The following SCLT1 variants were observed in gnomAD, a reference collection of about 807,000 sequenced individuals.
The protein encoded by SCLT1 is sodium channel and clathrin linker 1.
A neutral mutation model predicts 112.8 loss-of-function variants in SCLT1; 78 were observed. The ratio of observed to expected loss-of-function variants is 0.69; its 90% CI spans 0.58 to 0.83. SCLT1 has a LOEUF of 0.83. SCLT1 is among the 40% of genes least tolerant of loss of function. SCLT1 has a pLI of 0.00. For synonymous variants in SCLT1, 257 were observed against 254.7 expected (o/e 1.01, Z -0.09); for missense variants, 747 against 770.4 (o/e 0.97, Z 0.36).
downstream of SCLT1, among the ~76,000 whole-genome samples, chr4:128,882,298 A>C (rs1013475766): frequency 6.6e-6 from 1 of 152,200 alleles, no homozygotes; most frequent in Non-Finnish European, 1.5e-5. Flanking sequence ...TAAAGAATCA[A>C]ATGAAAAATT....
At chr4:129,007,937 G>A (rs1184292338) in intron 5 of SCLT1, among the ~76,000 whole-genome samples, 3 of 152,036 alleles carry the variant, frequency 2.0e-5, no homozygotes, top group African/African-American at 7.2e-5. Flanking sequence ...CCCAGACATC[G>A]TAACATGCCT....
chr4:129,050,573 A>G (rs1040327664), intron 2 of SCLT1, among the ~76,000 whole-genome samples: 2 of 151,724 alleles, frequency 1.3e-5, no homozygotes, highest in Admixed American at 6.6e-5. Context: ...CCATTTTTTG[A>G]TGGGGTCATT....
chr4:129,014,548 C>A (rs1744825796), intron 5 of SCLT1, among the ~76,000 whole-genome samples: 1 of 152,150 alleles, frequency 6.6e-6, no homozygotes, highest in Non-Finnish European at 1.5e-5. Context: ...ATTTAGCTGA[C>A]TGGCTTCATT....
At chr4:128,880,993 A>G (rs994449776), downstream of SCLT1, among the ~76,000 whole-genome samples, 1 of 152,156 alleles carries the variant, frequency 6.6e-6, no homozygotes, top group Non-Finnish European at 1.5e-5. Flanking sequence ...TGAATTCTTG[A>G]GCTAGAGGGT....
At chr4:129,089,331 G>A (rs1327268818) in intron 1 of SCLT1, among the ~76,000 whole-genome samples, 1 of 152,230 alleles carries the variant, frequency 6.6e-6, no homozygotes, top group Admixed American at 6.5e-5. Context: ...CAGTTAGAAT[G>A]GCAATCATCA....
At chr4:128,923,678 G>C (rs1353955464) in intron 18 of SCLT1, among the ~76,000 whole-genome samples, 1 of 150,658 alleles carries the variant, frequency 6.6e-6, no homozygotes, top group Non-Finnish European at 1.5e-5. Flanking sequence ...CATCCATGTT[G>C]TTGAGTGTAT....
intron 20 of SCLT1, 101 bp from the exon 21 acceptor site, chr4:128,884,640 G>T (rs1306125968): frequency 1.4e-6 from 1 of 735,758 alleles, no homozygotes. Flanking sequence ...TACTGAAATG[G>T]TCTTATTGGA....
intron 18 of SCLT1, among the ~76,000 whole-genome samples, chr4:128,924,623 T>A (rs1484567673): frequency 6.6e-6 from 1 of 152,178 alleles, no homozygotes; most frequent in Non-Finnish European, 1.5e-5. Context: ...TGTACTTTAT[T>A]ATTGTGTCTT....
chr4:128,977,655 A>AC (rs920187091), intron 9 of SCLT1, among the ~76,000 whole-genome samples: 6 of 152,224 alleles, frequency 3.9e-5, no homozygotes, highest in African/African-American at 1.4e-4. Context: ...TAGGAGAATT[A>AC]CAGGTGAAGA....
intron 2 of SCLT1, among the ~76,000 whole-genome samples, chr4:129,067,448 A>G (rs1433523205): frequency 1.3e-5 from 2 of 151,850 alleles, no homozygotes. Flanking sequence ...AGTAGCCTAC[A>G]TAATTTCAAA....
rs375383662 is a variant in SCLT1 at position 128,936,744 on chromosome 4, G to A, written c.1740C>T (p.Leu580=). 1 of 1,612,312 alleles carries A rather than the reference G, an allele frequency of 6.2e-7. No individual in the cohort carries two copies. Among genetic ancestry groups the A allele is most frequent in the Non-Finnish European group, 8.5e-7 (1 of 1,178,732 alleles). The change falls in exon 18 of 21, where the codon CTC becomes CTT. Residue 580 remains leucine, a synonymous_variant. Coordinates refer to ENST00000281142, the MANE Select transcript of SCLT1 (RefSeq NM_144643.4). ...NRNSIVELRH[L]LATQQKAANR... ...TGGCTGCCTTCTGTTGAGTCGCTAG[G>A]AGATGCCTCAGTTCAACAATGGAAT...
intron 2 of SCLT1, among the ~76,000 whole-genome samples, chr4:129,061,493 G>C (rs1280880817): frequency 6.6e-6 from 1 of 152,146 alleles, no homozygotes; most frequent in Non-Finnish European, 1.5e-5. Flanking sequence ...GCATACTTCA[G>C]ATCAATCCTG....
At chr4:129,092,167 T>A (rs911976445) in intron 1 of SCLT1, among the ~76,000 whole-genome samples, 2 of 152,182 alleles carry the variant, frequency 1.3e-5, no homozygotes, top group Non-Finnish European at 2.9e-5. Context: ...CTATAACCCA[T>A]GCAATGGTCC....
intron 9 of SCLT1, among the ~76,000 whole-genome samples, chr4:128,980,414 A>G (rs1053221149): frequency 1.3e-5 from 2 of 152,218 alleles, no homozygotes; most frequent in African/African-American, 2.4e-5. Context: ...AAGATTAAAA[A>G]TGAACACAAT....
intron 18 of SCLT1, among the ~76,000 whole-genome samples, chr4:128,899,363 G>C (rs1329381191): frequency 6.6e-6 from 1 of 152,188 alleles, no homozygotes; most frequent in Non-Finnish European, 1.5e-5. Context: ...TGCCAGGCTG[G>C]TTCAACATAT....
intron 5 of SCLT1, among the ~76,000 whole-genome samples, chr4:129,029,555 A>G (rs541551802): frequency 5.5e-4 from 84 of 151,770 alleles, no homozygotes; most frequent in African/African-American, 1.9e-3. Flanking sequence ...GAGGGATAGC[A>G]TTAGGAGATA....
intron 2 of SCLT1, among the ~76,000 whole-genome samples, chr4:129,078,097 T>C (rs1751616034): frequency 6.6e-6 from 1 of 152,166 alleles, no homozygotes; most frequent in Non-Finnish European, 1.5e-5. Flanking sequence ...CAAGATTTGG[T>C]TGCAAGACAA....
chr4:129,036,996 G>C (rs1747235184), intron 5 of SCLT1: 1 of 151,774 alleles, frequency 6.6e-6, no homozygotes, highest in South Asian at 2.1e-4. Flanking sequence ...TGAATTTTAT[G>C]GGTTAAAGTT....
At chr4:128,997,399 G>A (rs1743102408) in intron 8 of SCLT1, 2 of 151,844 alleles carry the variant, frequency 1.3e-5, no homozygotes, top group South Asian at 4.1e-4. Context: ...GAATAAGAAG[G>A]TAAAGAGCAG....
Sources: gnomAD v4.1 joint callset for allele counts (sites outside exome capture counted in the v4.1 genomes callset) on GRCh38, gnomAD v4.1.1 for gene constraint, MANE v1.5 for transcripts, NCBI Gene and HGNC (gene_info 2026-07-23, HGNC 2026-07-21) for gene names.